Variants in SNTG2 observed in about 807,000 individuals in gnomAD.
SNTG2 encodes the protein gamma-2-syntrophin.
SNTG2 carries 74 observed loss-of-function variants against 70.9 expected under a neutral mutation model. The observed-to-expected ratio is 1.04, with a 90% CI of 0.86 to 1.27. SNTG2 has a LOEUF of 1.27. SNTG2 is among the 50% of genes most tolerant of loss of function. The pLI is 0.00. For synonymous variants in SNTG2, 278 were observed against 273.8 expected (o/e 1.02, Z -0.15); for missense variants, 717 against 690.7 (o/e 1.04, Z -0.43).
intron 9 of SNTG2, among the ~76,000 whole-genome samples, chr2:1,226,096 T>C (rs1019703455): frequency 6.6e-6 from 1 of 152,192 alleles, no homozygotes; most frequent in Non-Finnish European, 1.5e-5. Flanking sequence ...AAAGTTGGAA[T>C]GTAAGGCATT....
At chr2:1,019,609 G>A (rs1376888881) in intron 1 of SNTG2, among the ~76,000 whole-genome samples, 3 of 152,204 alleles carry the variant, frequency 2.0e-5, no homozygotes, top group Non-Finnish European at 4.4e-5. Flanking sequence ...AAACTATAAT[G>A]TCACAGCAGG....
intron 8 of SNTG2, among the ~76,000 whole-genome samples, chr2:1,190,117 G>A (rs1412993714): frequency 6.6e-6 from 1 of 151,856 alleles, no homozygotes; most frequent in Non-Finnish European, 1.5e-5. Flanking sequence ...ATAGTAATGT[G>A]GAAAGACCAA....
chr2:1,047,851 A>G (rs941541956), intron 1 of SNTG2, among the ~76,000 whole-genome samples: 1 of 152,146 alleles, frequency 6.6e-6, no homozygotes, highest in East Asian at 1.9e-4. Context: ...TGGTAGACTA[A>G]GGTACACACA....
intron 7 of SNTG2, among the ~76,000 whole-genome samples, chr2:1,171,371 C>T (rs929988200): frequency 1.3e-5 from 2 of 152,100 alleles, no homozygotes; most frequent in African/African-American, 2.4e-5. Flanking sequence ...TCTCCTTTGT[C>T]TATAGCATGA....
At chr2:1,245,132 GA>G (rs1485381109) in intron 11 of SNTG2, among the ~76,000 whole-genome samples, 2 of 109,826 alleles carry the variant, frequency 1.8e-5, no homozygotes, top group Admixed American at 1.1e-4. Context: ...CGGGTGGGGG[GA>G]GGGGGGAGGG....
At chr2:1,168,741 C>T (rs1046349296) in intron 7 of SNTG2, among the ~76,000 whole-genome samples, 17 of 152,154 alleles carry the variant, frequency 1.1e-4, no homozygotes, top group Admixed American at 2.0e-4. Context: ...CACTGCATGC[C>T]TTGCCATCCT....
At chr2:1,022,922 C>CT (rs1333307599) in intron 1 of SNTG2, among the ~76,000 whole-genome samples, 1 of 152,096 alleles carries the variant, frequency 6.6e-6, no homozygotes, top group Non-Finnish European at 1.5e-5. Context: ...TTAAGATTTA[C>CT]TTTAAGAAAC....
intron 8 of SNTG2, among the ~76,000 whole-genome samples, chr2:1,191,835 T>C (rs1284376402): frequency 6.6e-6 from 1 of 152,078 alleles, no homozygotes; most frequent in African/African-American, 2.4e-5. Flanking sequence ...GGTAGCTTTA[T>C]TGTTTTCATT....
chr2:1,235,972 A>G (rs1181684241), intron 9 of SNTG2, among the ~76,000 whole-genome samples: 4 of 152,118 alleles, frequency 2.6e-5, no homozygotes, highest in African/African-American at 7.2e-5. Flanking sequence ...CTGTAGCTCA[A>G]TGTAAAATAT....
At chr2:973,233 C>G (rs139053050) in intron 1 of SNTG2, among the ~76,000 whole-genome samples, 31 of 152,286 alleles carry the variant, frequency 2.0e-4, no homozygotes, top group Non-Finnish European at 4.0e-4. Flanking sequence ...TCTTGTGATG[C>G]TGATCTGTTG....
At chr2:1,181,588 A>G (rs1387823860) in intron 8 of SNTG2, among the ~76,000 whole-genome samples, 1 of 152,182 alleles carries the variant, frequency 6.6e-6, no homozygotes, top group Non-Finnish European at 1.5e-5. Flanking sequence ...CTCTTCCTCT[A>G]GAGGTAGGGT....
intron 14 of SNTG2, among the ~76,000 whole-genome samples, chr2:1,289,896 G>A (rs1679921480): frequency 6.6e-6 from 1 of 152,176 alleles, no homozygotes; most frequent in African/African-American, 2.4e-5. Context: ...GTGTCCGTCT[G>A]TTTGTGCCTG....
intron 16 of SNTG2, among the ~76,000 whole-genome samples, chr2:1,335,546 GA>G (rs1659777174): frequency 6.6e-6 from 1 of 152,120 alleles, no homozygotes; most frequent in African/African-American, 2.4e-5. Context: ...TGGGCCCAGG[GA>G]AAACCAAGAA....
At chr2:991,431 A>G (rs1392581914) in intron 1 of SNTG2, among the ~76,000 whole-genome samples, 1 of 150,906 alleles carries the variant, frequency 6.6e-6, no homozygotes, top group African/African-American at 2.5e-5. Flanking sequence ...TTCTAGAATG[A>G]CAAGGCAGGC....
intron 16 of SNTG2, among the ~76,000 whole-genome samples, chr2:1,338,837 C>T (rs1014015837): frequency 1.3e-5 from 2 of 152,162 alleles, no homozygotes; most frequent in Non-Finnish European, 2.9e-5. Context: ...CATTTACATG[C>T]AAGTATCTGT....
chr2:966,959 AAAC>A (rs755852029), intron 1 of SNTG2, among the ~76,000 whole-genome samples: 2 of 131,368 alleles, frequency 1.5e-5, no homozygotes, highest in African/African-American at 6.2e-5. Flanking sequence ...ACAAACAAAC[AAAC>A]AAACAAAAAA....
intron 1 of SNTG2, among the ~76,000 whole-genome samples, chr2:1,065,266 A>G (rs1205493045): frequency 6.6e-6 from 1 of 151,628 alleles, no homozygotes; most frequent in Non-Finnish European, 1.5e-5. Context: ...CAGACCCTTC[A>G]CCACAAGGCA....
chr2:1,209,801 A>C (rs574181481), intron 9 of SNTG2, among the ~76,000 whole-genome samples: 1 of 152,376 alleles, frequency 6.6e-6, no homozygotes, highest in Admixed American at 6.5e-5. Flanking sequence ...GGAAAGGCCC[A>C]CAAGTAATGA....
chr2:1,163,534 A>G (rs1259682226), intron 6 of SNTG2: 1 of 152,286 alleles, frequency 6.6e-6, no homozygotes, highest in Non-Finnish European at 1.5e-5. Context: ...GAGGCCTTCC[A>G]ACAGGAAGTG....
Sources: allele counts gnomAD v4.1 joint callset (sites outside exome capture counted in the v4.1 genomes callset), GRCh38; gene constraint gnomAD v4.1.1; transcripts MANE v1.5; gene names NCBI Gene and HGNC (gene_info 2026-07-23, HGNC 2026-07-21).